MOB3B: variants seen among roughly 807,000 people sequenced by gnomAD.
MOB3B encodes MOB kinase activator-like 2B.
In MOB3B, 7 loss-of-function variants were observed where a neutral mutation model predicts 18.7. The observed-to-expected ratio is 0.37, with a 90% CI of 0.21 to 0.70. The LOEUF is 0.70. Among genes scored for constraint, MOB3B ranks in the 30% least tolerant of loss-of-function variants. The probability of loss-of-function intolerance (pLI) is 0.52; values close to 1 mark genes in which losing one functional copy is unlikely to be tolerated. For missense variants in MOB3B, 253 were observed against 281.3 expected, an observed-to-expected ratio of 0.90 and a Z score of 0.72; for synonymous variants, 111 against 99.9, an observed-to-expected ratio of 1.11 and a Z score of -0.66.
At chr9:27,527,224 C>G (rs1820449722) in intron 1 of MOB3B, among the ~76,000 whole-genome samples, 1 of 152,118 alleles carries the variant, frequency 6.6e-6, no homozygotes, top group Non-Finnish European at 1.5e-5. Flanking sequence ...GTTAATGATG[C>G]CTTTGGGTAC....
intron 2 of MOB3B, among the ~76,000 whole-genome samples, chr9:27,363,454 G>C (rs1821303001): frequency 2.0e-5 from 3 of 151,886 alleles, no homozygotes; most frequent in African/African-American, 4.8e-5. Flanking sequence ...ATTTTTAGTA[G>C]AGACGGGGTT....
At chr9:27,379,301 C>T (rs1030847846) in intron 2 of MOB3B, among the ~76,000 whole-genome samples, 19 of 152,288 alleles carry the variant, frequency 1.2e-4, no homozygotes, top group Admixed American at 1.0e-3. Context: ...TCTAACGCAC[C>T]TTTAGGAATT....
Position 27,362,493 on chromosome 9 carries a change from C to T in MOB3B, c.419-3257G>A, listed in dbSNP as rs548620773. Among the ~76,000 whole-genome samples the T allele has an allele frequency of 3.3e-5, 5 of 152,288 alleles. No homozygotes were observed. In the South Asian group the frequency reaches 6.2e-4, roughly 19 times the overall value. On this transcript the variant is annotated intron_variant, in intron 2 of 3. Coordinates refer to ENST00000262244, the MANE Select transcript of MOB3B (RefSeq NM_024761.5). ...TTCATTATTTCCCACCTGAACTCCT[C>T]GGGTAGGTAGGACTCCAGGCTCAGA...
At chr9:27,426,995 G>C (rs183926233) in intron 2 of MOB3B, among the ~76,000 whole-genome samples, 12 of 152,320 alleles carry the variant, frequency 7.9e-5, no homozygotes, top group Non-Finnish European at 1.5e-5. Flanking sequence ...ATTATTCTAG[G>C]TGCCAATTTA....
chr9:27,381,289 C>T (rs1010187120), intron 2 of MOB3B, among the ~76,000 whole-genome samples: 5 of 151,822 alleles, frequency 3.3e-5, no homozygotes, highest in African/African-American at 1.2e-4. Context: ...GGCTCTGACA[C>T]TCTATTTCCC....
At chr9:27,517,573 G>A (rs889839784) in intron 1 of MOB3B, among the ~76,000 whole-genome samples, 17 of 147,374 alleles carry the variant, frequency 1.2e-4, no homozygotes, top group Admixed American at 1.4e-4. Context: ...GCTTGAGCCC[G>A]GGAGACGGAG....
intron 2 of MOB3B, among the ~76,000 whole-genome samples, chr9:27,418,126 C>T (rs929509420): frequency 2.4e-5 from 3 of 125,570 alleles, no homozygotes; most frequent in Non-Finnish European, 5.4e-5. Flanking sequence ...ATACAACCCT[C>T]TTAGCTTAAA....
chr9:27,415,632 GTTAA>G (rs1310872770), intron 2 of MOB3B, among the ~76,000 whole-genome samples: 1 of 152,106 alleles, frequency 6.6e-6, no homozygotes, highest in Admixed American at 6.5e-5. Flanking sequence ...TAAATTTTGC[GTTAA>G]TTGTCTCAAC....
At chr9:27,393,507 T>C (rs931653389) in intron 2 of MOB3B, among the ~76,000 whole-genome samples, 1 of 152,032 alleles carries the variant, frequency 6.6e-6, no homozygotes. Flanking sequence ...TGATGTCCCA[T>C]TGCTAATTGT....
At chr9:27,425,010 T>A (rs1221800538) in intron 2 of MOB3B, among the ~76,000 whole-genome samples, 2 of 152,174 alleles carry the variant, frequency 1.3e-5, no homozygotes, top group Admixed American at 6.5e-5. Flanking sequence ...CCACCACCCA[T>A]AATTTATTGC....
chr9:27,528,203 C>A (rs755171273), intron 1 of MOB3B, among the ~76,000 whole-genome samples: 7 of 152,222 alleles, frequency 4.6e-5, no homozygotes, highest in South Asian at 4.1e-4. Context: ...CTCTTTTTGG[C>A]GACTAGCCTG....
intron 2 of MOB3B, among the ~76,000 whole-genome samples, chr9:27,387,198 T>A (rs564930325): frequency 6.6e-6 from 1 of 152,328 alleles, no homozygotes. Flanking sequence ...TTAAAATATT[T>A]ATCATGGGTA....
At chr9:27,377,953 G>C (rs1201643057) in intron 2 of MOB3B, among the ~76,000 whole-genome samples, 4 of 152,252 alleles carry the variant, frequency 2.6e-5, no homozygotes, top group Admixed American at 6.5e-5. Flanking sequence ...CTCACAGGTA[G>C]TGGGGTAAGA....
chr9:27,331,566 G>A (rs1356256800), intron 3 of MOB3B, among the ~76,000 whole-genome samples: 5 of 152,180 alleles, frequency 3.3e-5, no homozygotes, highest in Admixed American at 1.3e-4. Flanking sequence ...TCATTGAATC[G>A]CCCCATGTGC....
At chr9:27,426,594 T>G (rs1053914740) in intron 2 of MOB3B, among the ~76,000 whole-genome samples, 1 of 152,166 alleles carries the variant, frequency 6.6e-6, no homozygotes, top group Non-Finnish European at 1.5e-5. Flanking sequence ...CTGTCAGAGC[T>G]CTACCTCATG....
chr9:27,459,062 T>A (rs772897135), intron 1 of MOB3B, among the ~76,000 whole-genome samples: 24 of 151,232 alleles, frequency 1.6e-4, no homozygotes, highest in Admixed American at 1.4e-3. Context: ...TAATAACAGA[T>A]GTATCATGCC....
intron 2 of MOB3B, among the ~76,000 whole-genome samples, chr9:27,406,518 T>C (rs1433764525): frequency 6.6e-6 from 1 of 152,162 alleles, no homozygotes; most frequent in African/African-American, 2.4e-5. Context: ...TAAAACAGCA[T>C]GATATTGGCA....
chr9:27,348,952 G>A (rs1821069362), intron 3 of MOB3B, among the ~76,000 whole-genome samples: 1 of 152,234 alleles, frequency 6.6e-6, no homozygotes, highest in Non-Finnish European at 1.5e-5. Context: ...GGACATGGAA[G>A]CCAAAGGAGT....
chr9:27,500,545 A>C (rs923433479), intron 1 of MOB3B, among the ~76,000 whole-genome samples: 4 of 152,220 alleles, frequency 2.6e-5, no homozygotes, highest in Non-Finnish European at 5.9e-5. Flanking sequence ...CGCTAGCCGT[A>C]TGTAGAAAGC....
Sources: gnomAD v4.1 joint callset for allele counts (sites outside exome capture counted in the v4.1 genomes callset) on GRCh38, gnomAD v4.1.1 for gene constraint, MANE v1.5 for transcripts, NCBI Gene and HGNC (gene_info 2026-07-23, HGNC 2026-07-21) for gene names.